Variants in CDH8 observed in about 807,000 individuals in gnomAD.
The protein encoded by CDH8 is cadherin 8.
CDH8 carries 17 observed loss-of-function variants against 68.1 expected under a neutral mutation model. That is an observed-to-expected ratio of 0.25 (90% CI 0.17 to 0.37). The LOEUF is 0.37. Ranked by LOEUF, CDH8 falls within the 10% of genes least tolerant of loss-of-function variation. The pLI is 1.00. For synonymous variants in CDH8, 372 were observed against 365.1 expected, an observed-to-expected ratio of 1.02 and a Z score of -0.21; for missense variants, 763 against 999.3, an observed-to-expected ratio of 0.76 and a Z score of 3.19.
chr16:61,809,045 G>A (rs1460736498), intron 7 of CDH8, among the ~76,000 whole-genome samples: 1 of 152,102 alleles, frequency 6.6e-6, no homozygotes. Flanking sequence ...AATTAGACGG[G>A]CATGGTGGCC....
chr16:61,827,587 G>A (rs993988285), intron 4 of CDH8, among the ~76,000 whole-genome samples: 6 of 151,930 alleles, frequency 3.9e-5, no homozygotes, highest in Non-Finnish European at 5.9e-5. Context: ...TTACTCACTT[G>A]GAAATAACAC....
intron 8 of CDH8, among the ~76,000 whole-genome samples, chr16:61,778,126 C>T (rs190812643): frequency 1.3e-5 from 2 of 152,086 alleles, no homozygotes; most frequent in East Asian, 1.9e-4. Context: ...TTTCACTGCC[C>T]ACTTTAGGCT....
rs779156608 is a variant in CDH8 at position 61,668,632 on chromosome 16, T to TA, written c.1655-12912dup. On this transcript the variant is annotated intron_variant, in intron 10 of 11. Coordinates refer to ENST00000577390, the MANE Select transcript of CDH8 (RefSeq NM_001796.5). ...ATCTATTTGGATTTATGAAGAAGGG[T>TA]AAAAAATGCATTTTGTCAGCACATA... Among the ~76,000 whole-genome samples, 6 of 143,420 alleles carry TA rather than the reference T, an allele frequency of 4.2e-5. No individual in the cohort carries two copies. The East Asian group carries it at 1.0e-3, about 25-fold the overall frequency. The allele number at this position is 143,420 out of a possible 152,430, so 94.1% of individuals were successfully genotyped here. A position where few individuals can be genotyped will look rare whatever the true frequency, so the allele number is the denominator to read the frequency against.
chr16:61,790,329 T>A (rs1326491667), intron 7 of CDH8, among the ~76,000 whole-genome samples: 1 of 152,030 alleles, frequency 6.6e-6, no homozygotes, highest in Non-Finnish European at 1.5e-5. Context: ...TATTAATATC[T>A]TTTTTATACA....
chr16:61,791,710 G>A (rs139494861), intron 7 of CDH8, among the ~76,000 whole-genome samples: 1 of 152,080 alleles, frequency 6.6e-6, no homozygotes, highest in African/African-American at 2.4e-5. Context: ...TAATTGCCTA[G>A]AATTTCTAGC....
chr16:61,691,456 T>C (rs1434091465), intron 10 of CDH8, among the ~76,000 whole-genome samples: 3 of 151,940 alleles, frequency 2.0e-5, no homozygotes. Context: ...CTGAGAGGTC[T>C]CAATCTCCTA....
intron 8 of CDH8, among the ~76,000 whole-genome samples, chr16:61,742,574 T>C (rs1959905833): frequency 6.6e-6 from 1 of 152,184 alleles, no homozygotes; most frequent in Non-Finnish European, 1.5e-5. Flanking sequence ...ACTTAACTTT[T>C]TCTGCATCTA....
At chr16:61,724,733 G>A (rs1357933389) in intron 9 of CDH8, among the ~76,000 whole-genome samples, 1 of 150,846 alleles carries the variant, frequency 6.6e-6, no homozygotes, top group East Asian at 1.9e-4. Context: ...TCACGAGCAT[G>A]TGATCATCTG....
chr16:61,997,007 G>A (rs1386929865), intron 2 of CDH8, among the ~76,000 whole-genome samples: 1 of 152,044 alleles, frequency 6.6e-6, no homozygotes. Flanking sequence ...GTGTATGTGT[G>A]TGTGTGTGTG....
At chr16:61,663,893 G>T (rs56114944) in intron 10 of CDH8, among the ~76,000 whole-genome samples, 8,751 of 152,020 alleles carry the variant, frequency 0.058, 869 homozygotes, top group African/African-American at 0.2. Context: ...TGTGTCTTGA[G>T]GGGGAGGGAA....
At chr16:61,672,797 G>A (rs1042710634) in intron 10 of CDH8, among the ~76,000 whole-genome samples, 4 of 151,978 alleles carry the variant, frequency 2.6e-5, no homozygotes, top group Non-Finnish European at 4.4e-5. Flanking sequence ...GATTCATATT[G>A]AGGAAGAGTT....
rs548315940 is a variant in CDH8 at position 61,781,427 on chromosome 16, T to TA, written c.1414+7918dup. Among the ~76,000 whole-genome samples the TA allele has an allele frequency of 5.0e-3, 726 of 146,390 alleles. 1 individual carries two copies. Among genetic ancestry groups the TA allele is most frequent in the Non-Finnish European group, 7.7e-3 (506 of 66,092 alleles). On this transcript the variant is annotated intron_variant, in intron 8 of 11. Transcript: ENST00000577390. ...GGGCAACATGGTGAGACCCTGTTTC[T>TA]AAAAAAAAAACCAAAACCAAAAACA...
At chr16:61,840,186 C>T (rs776407686) in intron 4 of CDH8, among the ~76,000 whole-genome samples, 24 of 152,258 alleles carry the variant, frequency 1.6e-4, no homozygotes, top group Middle Eastern at 3.4e-3. Flanking sequence ...AGAATCCCAA[C>T]AGCTATTATA....
intron 2 of CDH8, among the ~76,000 whole-genome samples, chr16:61,925,323 T>A (rs751120794): frequency 1.3e-5 from 2 of 152,242 alleles, no homozygotes; most frequent in Non-Finnish European, 2.9e-5. Flanking sequence ...GTTGTTTTAA[T>A]AGAACACTGA....
intron 9 of CDH8, among the ~76,000 whole-genome samples, chr16:61,715,354 GCT>G (rs1964709422): frequency 6.6e-6 from 1 of 151,586 alleles, no homozygotes; most frequent in African/African-American, 2.4e-5. Context: ...AAAAGTCACA[GCT>G]CTGTTTGTGG....
At chr16:61,779,553 C>T (rs1322023868) in intron 8 of CDH8, among the ~76,000 whole-genome samples, 2 of 151,416 alleles carry the variant, frequency 1.3e-5, no homozygotes, top group South Asian at 2.1e-4. Context: ...AGGTCTCAAA[C>T]GAAATCTGGA....
intron 2 of CDH8, among the ~76,000 whole-genome samples, chr16:61,917,529 G>A (rs946305718): frequency 3.3e-5 from 5 of 152,140 alleles, no homozygotes; most frequent in Admixed American, 6.5e-5. Flanking sequence ...ATGCACAGAC[G>A]AGACTTCATC....
rs66743095 is a variant in CDH8 at position 61,953,895 on chromosome 16, T to TTATATATATATATATATA, written c.253-52440_253-52423dup. ...CTGTCTCAAAAAGAAAAAAAAAACT[T>TTATATATATATATATATA]TATATATATATATATATATATATAT... On this transcript the variant is annotated intron_variant, in intron 2 of 11. Transcript: ENST00000577390. Among the ~76,000 whole-genome samples the TTATATATATATATATATA allele has an allele frequency of 1.4e-3, 171 of 118,824 alleles. 2 individuals carry two copies. Among genetic ancestry groups the TTATATATATATATATATA allele is most frequent in the African/African-American group, 5.9e-3 (156 of 26,560 alleles). 78.0% of individuals were successfully genotyped at this position (118,824 alleles called of 152,430 possible).
intron 10 of CDH8, among the ~76,000 whole-genome samples, chr16:61,680,672 CAT>C (rs1378811107): frequency 6.6e-6 from 1 of 151,692 alleles, no homozygotes; most frequent in East Asian, 1.9e-4. Flanking sequence ...GCACCTATGA[CAT>C]ATGTAATTTT....
Sources: allele counts gnomAD v4.1 joint callset (sites outside exome capture counted in the v4.1 genomes callset), GRCh38; gene constraint gnomAD v4.1.1; transcripts MANE v1.5; gene names NCBI Gene and HGNC (gene_info 2026-07-23, HGNC 2026-07-21).